Variants in RUFY2 observed in about 807,000 individuals in gnomAD.
RUFY2 encodes RUN and FYVE domain-containing protein 2.
In RUFY2, 49 loss-of-function variants were observed where a neutral mutation model predicts 94.4. The observed-to-expected ratio is 0.52, with a 90% CI of 0.41 to 0.66. The LOEUF (loss-of-function observed/expected upper bound fraction) is 0.66. Ranked by LOEUF, RUFY2 falls within the 30% of genes least tolerant of loss-of-function variation. RUFY2 has a pLI of 0.00. For missense variants in RUFY2, 541 were observed against 692.8 expected, an observed-to-expected ratio of 0.78 and a Z score of 2.46; for synonymous variants, 255 against 235.7, an observed-to-expected ratio of 1.08 and a Z score of -0.75.
At chr10:68,388,231 G>A (rs760847531) in intron 7 of RUFY2, among the ~76,000 whole-genome samples, 26 of 152,088 alleles carry the variant, frequency 1.7e-4, no homozygotes, top group Non-Finnish European at 3.8e-4. Flanking sequence ...TTGGGAGGCC[G>A]AGGTTGGTGG....
chr10:68,371,256 C>T (rs2048257485), intron 13 of RUFY2, among the ~76,000 whole-genome samples: 1 of 151,444 alleles, frequency 6.6e-6, no homozygotes, highest in South Asian at 2.1e-4. Flanking sequence ...CCCGTATCTA[C>T]TAAAAATACA....
chr10:68,357,466 T>C (rs1316230153), intron 15 of RUFY2, among the ~76,000 whole-genome samples: 1 of 151,966 alleles, frequency 6.6e-6, no homozygotes, highest in East Asian at 1.9e-4. Context: ...TGACCTCAGG[T>C]GATCCACCCG....
chr10:68,406,840 C>T, intron 1 of RUFY2: 1 of 1,612,306 alleles, frequency 6.2e-7, no homozygotes, highest in Non-Finnish European at 8.5e-7. Context: ...TTCCCTCCGC[C>T]ACCCCCAAAC....
intron 10 of RUFY2, among the ~76,000 whole-genome samples, chr10:68,383,161 T>TA (rs1486186250): frequency 6.8e-6 from 1 of 146,570 alleles, no homozygotes; most frequent in Non-Finnish European, 1.5e-5. Flanking sequence ...CCCATCTCTA[T>TA]AAAAAATACA....
rs950399452 is a variant in RUFY2, at chr10:68,395,080, G to A, written c.399-629C>T. 4.0e-5 allele frequency among the ~76,000 whole-genome samples: 6 copies of A among 151,032 alleles called. No homozygotes were observed. The South Asian group carries it at 6.5e-4, about 16-fold the overall frequency. ...GCACGAGACACGGTGGCTCACGCCT[G>A]TAATCCCAGCACTTTGGGAGGCCAA... On this transcript the variant is annotated intron_variant, in intron 4 of 17. Transcript: ENST00000602465.
At chr10:68,394,543 T>G in intron 4 of RUFY2, 92 bp from the exon 5 acceptor site, 1 of 887,182 alleles carries the variant, frequency 1.1e-6, no homozygotes, top group Non-Finnish European at 1.7e-6. Flanking sequence ...ATCTTCTACC[T>G]TACAGAAATG....
chr10:68,374,487 T>C (rs923342002), intron 13 of RUFY2, among the ~76,000 whole-genome samples: 7 of 152,120 alleles, frequency 4.6e-5, no homozygotes, highest in Admixed American at 1.3e-4. Flanking sequence ...GTCCTGAATA[T>C]GTAGGCACCA....
At chr10:68,362,653 G>C (rs2047535770) in intron 15 of RUFY2, among the ~76,000 whole-genome samples, 1 of 152,062 alleles carries the variant, frequency 6.6e-6, no homozygotes, top group Non-Finnish European at 1.5e-5. Context: ...AGTAGGGCAT[G>C]ATGGTGCCTG....
intron 12 of RUFY2, 89 bp downstream of exon 12, chr10:68,379,335 C>A: frequency 1.0e-6 from 1 of 983,218 alleles, no homozygotes; most frequent in East Asian, 2.5e-5. Context: ...CTATGTCTTC[C>A]TAATGGTTTT....
Position 68,402,491 on chromosome 10 carries a change from T to G in RUFY2, c.179-754A>C, listed in dbSNP as rs2050924369. On this transcript the variant is annotated intron_variant, in intron 2 of 17. Coordinates refer to ENST00000602465, the MANE Select transcript of RUFY2 (RefSeq NM_001330103.2). ...GCACACGCACAAAGTAGCTTTATAA[T>G]GATTCATCCAGATAAGCCTATAACT... Among the ~76,000 whole-genome samples, 3 of 152,274 alleles carry G rather than the reference T, an allele frequency of 2.0e-5. No individual in the cohort carries two copies. In the South Asian group the frequency reaches 6.2e-4, roughly 32 times the overall value.
At chr10:68,397,801 T>A (rs1339497759) in intron 3 of RUFY2, among the ~76,000 whole-genome samples, 3 of 150,990 alleles carry the variant, frequency 2.0e-5, no homozygotes, top group Non-Finnish European at 4.4e-5. Flanking sequence ...AAATATTTAG[T>A]CTGAATGAGC....
rs185515192 is a variant in RUFY2 at position 68,404,901 on chromosome 10, T to C, written c.5-57A>G. 4,862 of 1,377,230 alleles carry C rather than the reference T, an allele frequency of 3.5e-3. 28 individuals carry two copies. Among genetic ancestry groups the C allele is most frequent in the South Asian group, 0.019 (1,241 of 66,658 alleles). The allele number at this position is 1,377,230 out of a possible 1,614,324, so 85.3% of individuals were successfully genotyped here. A position where few individuals can be genotyped will look rare whatever the true frequency, so the allele number is the denominator to read the frequency against. ...TTGTAAGACATGACAATGAAAAATA[T>C]ACAAACCATTCCCTTCCCCTATAAA... is the stretch of plus-strand genomic sequence containing the variant. On this transcript the variant is annotated intron_variant, in intron 1 of 17. Transcript: ENST00000602465.
rs1225415988 is a variant in RUFY2 at position 68,350,033 on chromosome 10, G to A, written c.1600-3949C>T. 5.4e-5 allele frequency among the ~76,000 whole-genome samples: 8 copies of A among 149,182 alleles called. No individual in the cohort carries two copies. The East Asian group carries it at 1.4e-3, about 27-fold the overall frequency. ...TTTCATATTATTTTATTATTTAGAT[G>A]GAGTCTCGCTCTGTCGCCCAGGCTG... is the stretch of plus-strand genomic sequence containing the variant. On this transcript the variant is annotated intron_variant, in intron 16 of 17. Coordinates refer to ENST00000602465, the MANE Select transcript of RUFY2 (RefSeq NM_001330103.2).
At chr10:68,366,323 T>A in intron 13 of RUFY2, among the ~76,000 whole-genome samples, 1 of 70,390 alleles carries the variant, frequency 1.4e-5, no homozygotes, top group African/African-American at 5.8e-5. Context: ...GAGCAAGAAC[T>A]CCATCTCAAA....
In RUFY2 at chr10:68,386,099, A is replaced by G. The variant is rs1384834776; in HGVS notation, c.680T>C (p.Val227Ala). The change falls in exon 8 of 18, where the codon GTT (valine) becomes GCT (alanine). Residue 227 changes from valine (V) to alanine (A), a missense_variant. Physicochemically the swap from Val to Ala is moderately conservative, Grantham distance 64. Around this residue, in one of 3 missense-constraint regions of RUFY2, gnomAD observed 403 missense variants for 480.7 expected, o/e 0.84. Coordinates refer to ENST00000602465, the MANE Select transcript of RUFY2 (RefSeq NM_001330103.2). Reference protein sequence around the residue: ...NSTVSSLHSRVDSLEKSNTKL... With the variant: ...NSTVSSLHSRADSLEKSNTKL... ...AGTATTTGACTTTTCTAATGAATCAACTCTTGAATGGAGGCTGCTGACTGT... is the reference window on the plus strand; with the variant it reads ...AGTATTTGACTTTTCTAATGAATCAGCTCTTGAATGGAGGCTGCTGACTGT... 6.2e-7 allele frequency: 1 copy of G among 1,612,940 alleles called. No homozygotes were observed. The highest frequency in any genetic ancestry group is 8.5e-7 in the Non-Finnish European group (1 of 1,179,534).
chr10:68,357,484 G>T (rs61857316), intron 15 of RUFY2, among the ~76,000 whole-genome samples: 2 of 151,758 alleles, frequency 1.3e-5, no homozygotes, highest in African/African-American at 4.8e-5. Flanking sequence ...CCGCCGCCTC[G>T]GCCTCCCAAA....
At chr10:68,382,369 T>A (rs1411705820) in intron 10 of RUFY2, among the ~76,000 whole-genome samples, 1 of 151,920 alleles carries the variant, frequency 6.6e-6, no homozygotes, top group African/African-American at 2.4e-5. Context: ...ACAGTTTAAT[T>A]TCTTAAGAAT....
chr10:68,399,066 CAA>C (rs925345604), intron 3 of RUFY2, among the ~76,000 whole-genome samples: 1 of 150,144 alleles, frequency 6.7e-6, no homozygotes, highest in Non-Finnish European at 1.5e-5. Flanking sequence ...GTGGGGGAGA[CAA>C]AGTCTCACTC....
chr10:68,377,328 T>C (rs1304821300), intron 12 of RUFY2: 4 of 1,084,410 alleles, frequency 3.7e-6, no homozygotes, highest in South Asian at 2.7e-5. Flanking sequence ...TACAAAACCA[T>C]GAAAAGCAAA....
Sources: allele counts gnomAD v4.1 joint callset (sites outside exome capture counted in the v4.1 genomes callset), GRCh38; gene constraint gnomAD v4.1.1; regional missense constraint gnomAD v4.1.1; transcripts MANE v1.5; gene names NCBI Gene and HGNC (gene_info 2026-07-23, HGNC 2026-07-21).